Variants in GLCE observed in about 807,000 individuals in gnomAD.
GLCE encodes glucuronic acid epimerase.
GLCE carries 19 observed loss-of-function variants against 47.9 expected under a neutral mutation model. The observed-to-expected ratio is 0.40, with a 90% CI of 0.28 to 0.58. GLCE has a LOEUF of 0.58. GLCE is among the 20% of genes least tolerant of loss of function. The probability of loss-of-function intolerance (pLI) is 0.48; values close to 1 mark genes in which losing one functional copy is unlikely to be tolerated. For synonymous variants in GLCE, 245 were observed against 263.4 expected (o/e 0.93, Z 0.68); for missense variants, 556 against 743.3 (o/e 0.75, Z 2.93).
At chr15:69,216,980 T>A (rs2052316094) in intron 2 of GLCE, among the ~76,000 whole-genome samples, 1 of 152,096 alleles carries the variant, frequency 6.6e-6, no homozygotes, top group African/African-American at 2.4e-5. Flanking sequence ...TCATTACATA[T>A]GGGAAGATGA....
chr15:69,271,829 C>CA lies in GLCE; in HGVS notation c.*2590dup, dbSNP rs931207192. The CA allele has an allele frequency of 6.6e-6, 1 of 152,610 alleles. No homozygotes were observed. The highest frequency in any genetic ancestry group is 2.4e-5 in the African/African-American group (1 of 41,438). The allele number at this position is 152,610 out of a possible 1,614,324, so 9.5% of individuals were successfully genotyped here. ...ACCATCCAGCGCACAGAAGCAAGTG[C>CA]AAAAATGACACAAGCACAACTCTCC... On this transcript the variant is annotated 3_prime_UTR_variant, in exon 5 of 5. Coordinates refer to ENST00000261858, the MANE Select transcript of GLCE (RefSeq NM_015554.3).
At chr15:69,202,266 TA>T (rs577197766) in intron 1 of GLCE, among the ~76,000 whole-genome samples, 38 of 146,952 alleles carry the variant, frequency 2.6e-4, no homozygotes, top group African/African-American at 4.2e-4. Context: ...CTTACCCAAT[TA>T]AAAAAAAAAA....
chr15:69,240,240 C>T (rs1280153631), intron 2 of GLCE, among the ~76,000 whole-genome samples: 2 of 16,724 alleles, frequency 1.2e-4, no homozygotes, highest in Admixed American at 1.1e-3. Flanking sequence ...GCCGAGATCC[C>T]GCCACTGCAC....
At chr15:69,242,204 TG>T (rs1412989932) in intron 2 of GLCE, among the ~76,000 whole-genome samples, 1 of 152,212 alleles carries the variant, frequency 6.6e-6, no homozygotes, top group Non-Finnish European at 1.5e-5. Flanking sequence ...CCATCTGTGT[TG>T]GGCTTCAGTG....
intron 2 of GLCE, among the ~76,000 whole-genome samples, chr15:69,239,008 T>C (rs2052630084): frequency 6.6e-6 from 1 of 152,190 alleles, no homozygotes; most frequent in African/African-American, 2.4e-5. Flanking sequence ...AATTTGTACA[T>C]TGAGAAACTT....
chr15:69,206,291 C>A (rs906165924), intron 1 of GLCE, among the ~76,000 whole-genome samples: 22 of 152,014 alleles, frequency 1.4e-4, no homozygotes, highest in Non-Finnish European at 2.4e-4. Context: ...TTCCTCACAT[C>A]TTATCAAAGT....
intron 1 of GLCE, among the ~76,000 whole-genome samples, chr15:69,187,815 C>T (rs2051846747): frequency 6.6e-6 from 1 of 152,156 alleles, no homozygotes; most frequent in Admixed American, 6.5e-5. Context: ...GCAATCTCAG[C>T]ACTTTGGGAG....
intron 1 of GLCE, among the ~76,000 whole-genome samples, chr15:69,182,549 A>C (rs911103497): frequency 6.6e-6 from 1 of 152,154 alleles, no homozygotes; most frequent in Non-Finnish European, 1.5e-5. Context: ...GAAGGAAGTA[A>C]ATGATTGAAT....
chr15:69,269,998 A>G lies in GLCE; in HGVS notation c.*754A>G, dbSNP rs960467149. The stretch of plus-strand genomic sequence containing the variant: ...TTTGATAATCAGTATATCCCTTCCC[A>G]ACCCCCATTGTGACAGTTTCTTTTT... On this transcript the variant is annotated 3_prime_UTR_variant, in exon 5 of 5. Coordinates refer to ENST00000261858, the MANE Select transcript of GLCE (RefSeq NM_015554.3). 2 of 152,598 alleles carry G rather than the reference A, an allele frequency of 1.3e-5. No homozygotes were observed. Among genetic ancestry groups the G allele is most frequent in the Admixed American group, 6.5e-5 (1 of 15,276 alleles). The allele number at this position is 152,598 out of a possible 1,614,324, so 9.5% of individuals were successfully genotyped here. A position where few individuals can be genotyped will look rare whatever the true frequency, so the allele number is the denominator to read the frequency against.
At chr15:69,195,375 T>C (rs1264080284) in intron 1 of GLCE, among the ~76,000 whole-genome samples, 1 of 151,788 alleles carries the variant, frequency 6.6e-6, no homozygotes, top group African/African-American at 2.4e-5. Flanking sequence ...TATTGGAAAA[T>C]GGATGGAAAA....
chr15:69,163,275 A>G (rs865907019), intron 1 of GLCE, among the ~76,000 whole-genome samples: 6 of 152,252 alleles, frequency 3.9e-5, no homozygotes, highest in Non-Finnish European at 8.8e-5. Flanking sequence ...TGATAAGTCA[A>G]CACATATTTG....
chr15:69,248,253 A>G (rs1347705454), intron 2 of GLCE, among the ~76,000 whole-genome samples: 1 of 152,228 alleles, frequency 6.6e-6, no homozygotes. Context: ...CTATCACTGG[A>G]TATTTAACAA....
rs181838247 is a variant in GLCE at position 69,189,038 on chromosome 15, C to T, written c.-104-21278C>T. Among the ~76,000 whole-genome samples the T allele has an allele frequency of 5.2e-4, 79 of 152,292 alleles. 1 individual carries two copies. Among genetic ancestry groups the T allele is most frequent in the African/African-American group, 1.8e-3 (76 of 41,570 alleles). ...TGAACCTACAGTGATGTATCATTAT[C>T]ACCCAAAGTCCATAATTTACATTGG... is the stretch of plus-strand genomic sequence containing the variant. On this transcript the variant is annotated intron_variant, in intron 1 of 4. Transcript: ENST00000261858.
At chr15:69,206,699 G>C (rs2052157158) in intron 1 of GLCE, among the ~76,000 whole-genome samples, 1 of 151,616 alleles carries the variant, frequency 6.6e-6, no homozygotes, top group South Asian at 2.1e-4. Flanking sequence ...GATACTCCAG[G>C]CTTATCATAT....
At chr15:69,173,688 A>G (rs1390099714) in intron 1 of GLCE, among the ~76,000 whole-genome samples, 1 of 152,120 alleles carries the variant, frequency 6.6e-6, no homozygotes, top group East Asian at 1.9e-4. Flanking sequence ...CCAATTTAAA[A>G]ATTTTTAAAA....
chr15:69,189,099 G>C (rs956141853), intron 1 of GLCE, among the ~76,000 whole-genome samples: 32 of 152,048 alleles, frequency 2.1e-4, no homozygotes, highest in African/African-American at 7.5e-4. Context: ...TGTGGGTTTT[G>C]ACAAATGTGT....
chr15:69,247,360 A>G (rs774898643), intron 2 of GLCE, among the ~76,000 whole-genome samples: 2 of 152,158 alleles, frequency 1.3e-5, no homozygotes, highest in Non-Finnish European at 2.9e-5. Context: ...CACCTCTCTC[A>G]GCCTTCATAA....
intron 2 of GLCE, among the ~76,000 whole-genome samples, chr15:69,217,257 T>C (rs773760204): frequency 8.4e-4 from 128 of 151,882 alleles, no homozygotes; most frequent in Non-Finnish European, 1.4e-3. Context: ...TCTTACATTG[T>C]TGTCCCTTCT....
At chr15:69,232,099 T>C (rs2140405593) in intron 2 of GLCE, among the ~76,000 whole-genome samples, 2 of 152,360 alleles carry the variant, frequency 1.3e-5, no homozygotes, top group Admixed American at 1.3e-4. Flanking sequence ...CTCAGATTTT[T>C]ATATATACGT....
Sources: gnomAD v4.1 joint callset for allele counts (sites outside exome capture counted in the v4.1 genomes callset) on GRCh38, gnomAD v4.1.1 for gene constraint, MANE v1.5 for transcripts, NCBI Gene and HGNC (gene_info 2026-07-23, HGNC 2026-07-21) for gene names.